Variants in CNTNAP2 observed in about 807,000 individuals in gnomAD.
CNTNAP2 encodes the protein contactin associated protein 2, also known as contactin-associated protein-like 2.
In CNTNAP2, 98 loss-of-function variants were observed where a neutral mutation model predicts 155.2. The ratio of observed to expected loss-of-function variants is 0.63; its 90% CI spans 0.54 to 0.75. The LOEUF (loss-of-function observed/expected upper bound fraction) is 0.75. Ranked by LOEUF, CNTNAP2 falls within the 30% of genes least tolerant of loss-of-function variation. The pLI, the probability that CNTNAP2 is intolerant of heterozygous loss-of-function variation, is 0.00. For synonymous variants in CNTNAP2, 651 were observed against 631.2 expected, an observed-to-expected ratio of 1.03 and a Z score of -0.47; for missense variants, 1,727 against 1,688.1, an observed-to-expected ratio of 1.02 and a Z score of -0.40.
intron 14 of CNTNAP2, among the ~76,000 whole-genome samples, chr7:147,933,544 TAAC>T: frequency 1.3e-5 from 1 of 77,484 alleles, no homozygotes; most frequent in Non-Finnish European, 3.4e-5. Flanking sequence ...TAGATAGATA[TAAC>T]AGAATATCAT....
intron 2 of CNTNAP2, among the ~76,000 whole-genome samples, chr7:146,820,548 T>C (rs1803260305): frequency 6.6e-6 from 1 of 152,172 alleles, no homozygotes; most frequent in African/African-American, 2.4e-5. Flanking sequence ...TTATAATTTC[T>C]GTTCTTTTAC....
intron 20 of CNTNAP2, among the ~76,000 whole-genome samples, chr7:148,245,709 T>G (rs1796249634): frequency 6.6e-6 from 1 of 152,098 alleles, no homozygotes; most frequent in Non-Finnish European, 1.5e-5. Flanking sequence ...ACAATCCAAG[T>G]CCAAATCCAA....
chr7:146,857,084 T>C (rs1795004657), intron 3 of CNTNAP2, among the ~76,000 whole-genome samples: 1 of 152,188 alleles, frequency 6.6e-6, no homozygotes, highest in Non-Finnish European at 1.5e-5. Flanking sequence ...TATACTTACC[T>C]ACATATGTCC....
chr7:146,463,288 T>C (rs1210835358), intron 1 of CNTNAP2, among the ~76,000 whole-genome samples: 3 of 152,220 alleles, frequency 2.0e-5, no homozygotes, highest in African/African-American at 7.2e-5. Flanking sequence ...TTATGTGTAC[T>C]GTTGCCATGA....
rs565846242 is a variant in CNTNAP2 at position 147,926,036 on chromosome 7, G to A, written c.2255+22315G>A. On this transcript the variant is annotated intron_variant, in intron 14 of 23. Coordinates refer to ENST00000361727, the MANE Select transcript of CNTNAP2 (RefSeq NM_014141.6). The stretch of plus-strand genomic sequence containing the variant: ...TAAATAGTATGTAGAAGAATTTAGG[G>A]ATGCTGACACTGTGAAAACAAATAT... Among the ~76,000 whole-genome samples, 24 of 152,296 alleles carry A rather than the reference G, an allele frequency of 1.6e-4. No homozygotes were observed. The South Asian group carries it at 5.0e-3, about 32-fold the overall frequency.
intron 20 of CNTNAP2, among the ~76,000 whole-genome samples, chr7:148,244,542 G>T (rs1438158909): frequency 6.7e-6 from 1 of 148,860 alleles, no homozygotes; most frequent in Non-Finnish European, 1.5e-5. Flanking sequence ...GCCTTTTTGG[G>T]GGTTTTGTGT....
intron 5 of CNTNAP2, among the ~76,000 whole-genome samples, chr7:147,110,432 C>T (rs750936025): frequency 1.8e-4 from 28 of 151,544 alleles, no homozygotes; most frequent in Admixed American, 9.2e-4. Flanking sequence ...CATAGGTAAA[C>T]GTGTGCCGTG....
At chr7:148,221,407 C>T (rs562004993) in intron 19 of CNTNAP2, among the ~76,000 whole-genome samples, 3 of 152,144 alleles carry the variant, frequency 2.0e-5, no homozygotes, top group African/African-American at 7.2e-5. Context: ...CGATTCCAGA[C>T]CCAAAGCTCC....
intron 22 of CNTNAP2, among the ~76,000 whole-genome samples, chr7:148,384,399 G>A (rs1481579452): frequency 6.6e-6 from 1 of 152,202 alleles, no homozygotes; most frequent in African/African-American, 2.4e-5. Context: ...CTTTGAGTGG[G>A]AAGACATGTA....
chr7:146,613,653 T>A (rs1338229156), intron 1 of CNTNAP2, among the ~76,000 whole-genome samples: 1 of 152,194 alleles, frequency 6.6e-6, no homozygotes, highest in Admixed American at 6.5e-5. Context: ...GTTGGACATA[T>A]TTTTTAAATT....
chr7:147,396,081 T>C (rs1274662636), intron 10 of CNTNAP2, among the ~76,000 whole-genome samples: 1 of 147,950 alleles, frequency 6.8e-6, no homozygotes, highest in Non-Finnish European at 1.5e-5. Flanking sequence ...TATATACATA[T>C]ATATGTAGCA....
chr7:146,336,016 A>G (rs751821313), intron 1 of CNTNAP2, among the ~76,000 whole-genome samples: 15 of 152,052 alleles, frequency 9.9e-5, no homozygotes, highest in Non-Finnish European at 1.8e-4. Flanking sequence ...CCTGACCAAC[A>G]TGGAGAAACC....
chr7:147,984,112 T>A (rs987296811), intron 15 of CNTNAP2, among the ~76,000 whole-genome samples: 2 of 152,214 alleles, frequency 1.3e-5, no homozygotes, highest in Non-Finnish European at 2.9e-5. Flanking sequence ...AAATTTGGTA[T>A]CTTATTGCTA....
Position 147,694,439 on chromosome 7 carries a change from C to T in CNTNAP2, c.2098+55133C>T, listed in dbSNP as rs183588585. ...TTGATATAAATTTCTTCTTTAATTACGTGGTAAAATTTACCAATAAGTTGA... is the reference window on the plus strand; with the variant it reads ...TTGATATAAATTTCTTCTTTAATTATGTGGTAAAATTTACCAATAAGTTGA... On this transcript the variant is annotated intron_variant, in intron 13 of 23. Coordinates refer to ENST00000361727, the MANE Select transcript of CNTNAP2 (RefSeq NM_014141.6). 2.8e-4 allele frequency among the ~76,000 whole-genome samples: 43 copies of T among 152,174 alleles called. 1 individual carries two copies. The East Asian group carries it at 7.5e-3, about 27-fold the overall frequency.
intron 8 of CNTNAP2, among the ~76,000 whole-genome samples, chr7:147,190,099 A>C (rs1584781777): frequency 6.6e-6 from 1 of 152,224 alleles, no homozygotes; most frequent in South Asian, 2.1e-4. Flanking sequence ...TATCCCAAAT[A>C]TATTCAGTCC....
chr7:147,626,267 G>T (rs746061277), intron 12 of CNTNAP2, among the ~76,000 whole-genome samples: 11 of 152,106 alleles, frequency 7.2e-5, no homozygotes, highest in Admixed American at 2.0e-4. Context: ...TGCTTTTTTA[G>T]TGGGGAAGTC....
At chr7:146,816,843 A>C (rs1187256589) in intron 2 of CNTNAP2, among the ~76,000 whole-genome samples, 1 of 152,198 alleles carries the variant, frequency 6.6e-6, no homozygotes, top group East Asian at 1.9e-4. Context: ...AGTTTCTTTA[A>C]TTGTATAAAA....
intron 1 of CNTNAP2, among the ~76,000 whole-genome samples, chr7:146,459,512 C>G (rs1796606081): frequency 6.6e-6 from 1 of 152,188 alleles, no homozygotes; most frequent in South Asian, 2.1e-4. Flanking sequence ...TTCAAAGGAA[C>G]TACCTTCTCC....
intron 12 of CNTNAP2, among the ~76,000 whole-genome samples, chr7:147,597,009 C>T (rs773723307): frequency 2.6e-5 from 4 of 152,118 alleles, no homozygotes; most frequent in Admixed American, 6.5e-5. Context: ...CAGGGAATTG[C>T]CCACCCCTTT....
Sources: gnomAD v4.1 joint callset for allele counts (sites outside exome capture counted in the v4.1 genomes callset) on GRCh38, gnomAD v4.1.1 for gene constraint, MANE v1.5 for transcripts, NCBI Gene and HGNC (gene_info 2026-07-23, HGNC 2026-07-21) for gene names.